The following KCNIP1 variants were observed in gnomAD, a reference collection of about 807,000 sequenced individuals.
KCNIP1 encodes the protein A-type potassium channel modulatory protein KCNIP1.
In KCNIP1, 18 loss-of-function variants were observed where a neutral mutation model predicts 33.0. The ratio of observed to expected loss-of-function variants is 0.55; its 90% CI spans 0.38 to 0.81. The LOEUF (loss-of-function observed/expected upper bound fraction) is 0.81. KCNIP1 is among the 30% of genes least tolerant of loss of function. The probability of loss-of-function intolerance (pLI) is 0.00; values close to 1 mark genes in which losing one functional copy is unlikely to be tolerated. For synonymous variants in KCNIP1, 93 were observed against 98.3 expected, an observed-to-expected ratio of 0.95 and a Z score of 0.32; for missense variants, 238 against 271.6, an observed-to-expected ratio of 0.88 and a Z score of 0.87.
intron 1 of KCNIP1, among the ~76,000 whole-genome samples, chr5:170,465,785 G>T (rs1471350935): frequency 6.6e-6 from 1 of 152,188 alleles, no homozygotes; most frequent in Non-Finnish European, 1.5e-5. Context: ...AGTTAAGCAG[G>T]TGTTGGGGGA....
At chr5:170,409,222 G>A (rs1755115522) in intron 1 of KCNIP1, among the ~76,000 whole-genome samples, 1 of 152,204 alleles carries the variant, frequency 6.6e-6, no homozygotes. Context: ...ATCTCCTGAA[G>A]TTGAAATCTC....
At chr5:170,628,793 G>A (rs964620014) in intron 1 of KCNIP1, among the ~76,000 whole-genome samples, 2 of 152,234 alleles carry the variant, frequency 1.3e-5, no homozygotes, top group African/African-American at 4.8e-5. Context: ...GCACTCGAGG[G>A]CAGCTCAAGG....
At chr5:170,392,576 A>C (rs1202712811) in intron 1 of KCNIP1, among the ~76,000 whole-genome samples, 1 of 152,164 alleles carries the variant, frequency 6.6e-6, no homozygotes, top group Non-Finnish European at 1.5e-5. Flanking sequence ...TAATCCTAGC[A>C]CTTTTCGAGA....
Position 170,736,135 on chromosome 5 carries a change from T to C in KCNIP1, c.*329T>C. 3.9e-6 allele frequency: 1 copy of C among 254,392 alleles called. No individual in the cohort carries two copies. Among genetic ancestry groups the C allele is most frequent in the Non-Finnish European group, 7.5e-6 (1 of 132,858 alleles). 15.8% of individuals were successfully genotyped at this position (254,392 alleles called of 1,614,324 possible). A position where few individuals can be genotyped will look rare whatever the true frequency, so the allele number is the denominator to read the frequency against. On this transcript the variant is annotated 3_prime_UTR_variant, in exon 8 of 8. Transcript: ENST00000328939. The stretch of plus-strand genomic sequence containing the variant: ...ACAGTAGTGCACAAAATATGCTGCT[T>C]ACGTGCCCCCAGCCCACTGCCTCCA...
intron 1 of KCNIP1, among the ~76,000 whole-genome samples, chr5:170,608,697 G>A (rs780897079): frequency 5.3e-5 from 8 of 151,922 alleles, no homozygotes; most frequent in Non-Finnish European, 8.8e-5. Flanking sequence ...GCTTGAACCC[G>A]GGAGGCAGAG....
intron 1 of KCNIP1, among the ~76,000 whole-genome samples, chr5:170,454,988 A>T (rs911608798): frequency 2.0e-5 from 3 of 152,254 alleles, no homozygotes; most frequent in Admixed American, 6.5e-5. Context: ...ATTTTATAAT[A>T]ATAAAAGTAT....
intron 1 of KCNIP1, among the ~76,000 whole-genome samples, chr5:170,406,016 C>T (rs938863055): frequency 3.9e-5 from 6 of 152,218 alleles, no homozygotes; most frequent in Non-Finnish European, 7.3e-5. Flanking sequence ...CAGCCAGACA[C>T]CTCTTCCACT....
intron 1 of KCNIP1, among the ~76,000 whole-genome samples, chr5:170,528,543 T>C (rs757540152): frequency 2.6e-5 from 4 of 152,148 alleles, no homozygotes; most frequent in Non-Finnish European, 5.9e-5. Context: ...TCCTGAGGGA[T>C]CAAGAAGATA....
rs1313876124 is a variant in KCNIP1, at chr5:170,523,240, A to T, written c.61+18607A>T. Among the ~76,000 whole-genome samples, 8 of 152,208 alleles carry T rather than the reference A, an allele frequency of 5.3e-5. No individual in the cohort carries two copies. The South Asian group carries it at 1.7e-3, about 31-fold the overall frequency. ...AAGGTAGAGTTCAGTTCCCTCGGCC[A>T]GGGACTGCACTCCTGATCTTGCGTG... On this transcript the variant is annotated intron_variant, in intron 1 of 7. Transcript: ENST00000328939.
At chr5:170,617,101 A>T (rs185276074) in intron 1 of KCNIP1, among the ~76,000 whole-genome samples, 1 of 147,470 alleles carries the variant, frequency 6.8e-6, no homozygotes, top group Non-Finnish European at 1.5e-5. Context: ...TACCTAGTGA[A>T]TGTGTAACAA....
intron 1 of KCNIP1, among the ~76,000 whole-genome samples, chr5:170,572,171 G>A (rs1308971348): frequency 6.6e-6 from 1 of 152,170 alleles, no homozygotes; most frequent in Non-Finnish European, 1.5e-5. Flanking sequence ...CAGATTTCCT[G>A]ACTTCAAGAG....
At chr5:170,725,532 G>T (rs975371966) in intron 5 of KCNIP1, among the ~76,000 whole-genome samples, 8 of 152,130 alleles carry the variant, frequency 5.3e-5, no homozygotes, top group Non-Finnish European at 1.2e-4. Context: ...ATAGTAGGGG[G>T]GCTGTGGGGG....
chr5:170,628,289 C>T (rs1469129003), intron 1 of KCNIP1, among the ~76,000 whole-genome samples: 1 of 152,186 alleles, frequency 6.6e-6, no homozygotes, highest in Non-Finnish European at 1.5e-5. Flanking sequence ...CGAACCACCT[C>T]CCATGGCTAC....
intron 1 of KCNIP1, among the ~76,000 whole-genome samples, chr5:170,535,306 G>T (rs1162568444): frequency 6.6e-6 from 1 of 152,206 alleles, no homozygotes; most frequent in East Asian, 1.9e-4. Context: ...ACCAAGCGGG[G>T]TGCCCTTGGG....
In KCNIP1 at chr5:170,674,144, GAA is replaced by G. The variant is rs1762029772; in HGVS notation, c.62-44613_62-44612del. ...GGAAAGCAATGAGGAAGGAAGGAAG[GAA>G]GGAAGGAAGGAAGGAAGGAAGGAAG... On this transcript the variant is annotated intron_variant, in intron 1 of 7. Transcript: ENST00000328939. 9.3e-5 allele frequency among the ~76,000 whole-genome samples: 5 copies of G among 53,508 alleles called. No homozygotes were observed. The South Asian group carries it at 5.7e-3, about 61-fold the overall frequency. 35.1% of individuals were successfully genotyped at this position (53,508 alleles called of 152,430 possible).
At chr5:170,371,003 C>G (rs1237618293) in intron 1 of KCNIP1, among the ~76,000 whole-genome samples, 1 of 152,202 alleles carries the variant, frequency 6.6e-6, no homozygotes, top group Non-Finnish European at 1.5e-5. Flanking sequence ...TGGACAAATT[C>G]TAGAGCGCAT....
chr5:170,496,599 AATT>A (rs996277917), intron 1 of KCNIP1, among the ~76,000 whole-genome samples: 2 of 152,224 alleles, frequency 1.3e-5, no homozygotes, highest in African/African-American at 4.8e-5. Flanking sequence ...CTGCTAATGC[AATT>A]ATTCTATCAC....
chr5:170,555,207 G>T (rs1050268973), intron 1 of KCNIP1, among the ~76,000 whole-genome samples: 1 of 152,096 alleles, frequency 6.6e-6, no homozygotes, highest in Non-Finnish European at 1.5e-5. Flanking sequence ...GATCGCAGGC[G>T]GGCGCTCAGC....
At chr5:170,593,492 T>C (rs1310057933) in intron 1 of KCNIP1, among the ~76,000 whole-genome samples, 1 of 152,216 alleles carries the variant, frequency 6.6e-6, no homozygotes. Flanking sequence ...TCCATCTCAG[T>C]GACAACAAAC....
Sources: gnomAD v4.1 joint callset for allele counts (sites outside exome capture counted in the v4.1 genomes callset) on GRCh38, gnomAD v4.1.1 for gene constraint, MANE v1.5 for transcripts, NCBI Gene and HGNC (gene_info 2026-07-23, HGNC 2026-07-21) for gene names.